The following STX3 variants were observed in gnomAD, a reference collection of about 807,000 sequenced individuals.
STX3 encodes syntaxin-3.
Under a neutral mutation model 40.2 loss-of-function variants are expected in STX3, and 19 were observed. The ratio of observed to expected loss-of-function variants is 0.47; its 90% CI spans 0.33 to 0.69. The LOEUF (loss-of-function observed/expected upper bound fraction) is 0.69, where lower values mean the gene tolerates loss of function less well. Ranked by LOEUF, STX3 falls within the 30% of genes least tolerant of loss-of-function variation. The pLI is 0.02. For synonymous variants in STX3, 122 were observed against 132.2 expected (o/e 0.92, Z 0.53); for missense variants, 364 against 366.7 (o/e 0.99, Z 0.06).
chr11:59,797,937 T>C (rs965639947), intron 10 of STX3, among the ~76,000 whole-genome samples: 4 of 152,234 alleles, frequency 2.6e-5, no homozygotes, highest in Admixed American at 6.5e-5. Context: ...AAACACCTTA[T>C]ACACATATCA....
chr11:59,780,050 T>C (rs1864258972), intron 2 of STX3, among the ~76,000 whole-genome samples: 1 of 152,220 alleles, frequency 6.6e-6, no homozygotes, highest in South Asian at 2.1e-4. Context: ...ATTTGCCTAT[T>C]TGCATTCAGG....
chr11:59,802,100 AT>A lies in STX3; in HGVS notation c.*1278del. On this transcript the variant is annotated 3_prime_UTR_variant, in exon 11 of 11. Transcript: ENST00000337979. Reference sequence around the variant, plus strand: ...TGAGAACATCCCTCAGTAACTTGATATTCACATGACCTACAGGATGTCCCAT... The same window carrying A: ...TGAGAACATCCCTCAGTAACTTGATATCACATGACCTACAGGATGTCCCAT... The A allele has an allele frequency of 1.0e-6, 1 of 985,412 alleles. No homozygotes were observed. The highest frequency in any genetic ancestry group is 4.7e-5 in the South Asian group (1 of 21,290). The allele number at this position is 985,412 out of a possible 1,614,324, so 61.0% of individuals were successfully genotyped here.
At chr11:59,756,004 C>G (rs1862696267) in intron 1 of STX3, among the ~76,000 whole-genome samples, 2 of 152,228 alleles carry the variant, frequency 1.3e-5, no homozygotes, top group African/African-American at 4.8e-5. Flanking sequence ...TCTCCCTTTC[C>G]TGTTTCTCTC....
At chr11:59,758,597 G>C (rs578021418) in intron 1 of STX3, among the ~76,000 whole-genome samples, 1 of 152,336 alleles carries the variant, frequency 6.6e-6, no homozygotes, top group South Asian at 2.1e-4. Context: ...CACAAGATCT[G>C]ACTCACCTGG....
intron 9 of STX3, among the ~76,000 whole-genome samples, chr11:59,796,574 G>A (rs558340184): frequency 1.1e-4 from 17 of 152,306 alleles, no homozygotes; most frequent in Middle Eastern, 3.4e-3. Flanking sequence ...GGTCTGACAG[G>A]TAGGAGTATG....
chr11:59,775,697 T>C (rs1476964241), intron 2 of STX3, among the ~76,000 whole-genome samples: 1 of 152,214 alleles, frequency 6.6e-6, no homozygotes, highest in East Asian at 1.9e-4. Context: ...GAGGATCATA[T>C]GAGATCACAC....
At position 59,800,991 on chromosome 11, in the gene STX3, A is replaced by G; in HGVS notation, c.*167A>G. 4.6e-6 allele frequency: 7 copies of G among 1,530,778 alleles called. No homozygotes were observed. Among genetic ancestry groups the G allele is most frequent in the South Asian group, 1.2e-5 (1 of 83,446 alleles). 94.8% of individuals were successfully genotyped at this position (1,530,778 alleles called of 1,614,324 possible). ...ACCCTTGGACCTGACTCAGCTAACA[A>G]TCTAGCCCTGGGGGAATGTGATCTA... On this transcript the variant is annotated 3_prime_UTR_variant, in exon 11 of 11. Transcript: ENST00000337979.
At chr11:59,755,667 G>A (rs748467324) in intron 1 of STX3, 32 bp downstream of exon 1, 65 of 1,589,300 alleles carry the variant, frequency 4.1e-5, no homozygotes, top group Non-Finnish European at 5.4e-5. Context: ...GTGCTGCCAG[G>A]AGGGGTGCTG....
intron 1 of STX3, among the ~76,000 whole-genome samples, chr11:59,759,384 AGAGC>A (rs1862912325): frequency 6.6e-6 from 1 of 152,246 alleles, no homozygotes; most frequent in Admixed American, 6.5e-5. Flanking sequence ...CACCATGATC[AGAGC>A]TTTGTGACCT....
At chr11:59,774,277 C>T (rs973497973) in intron 2 of STX3, among the ~76,000 whole-genome samples, 3 of 151,956 alleles carry the variant, frequency 2.0e-5, no homozygotes, top group Non-Finnish European at 2.9e-5. Flanking sequence ...ATTTCATGAA[C>T]GTTCCTTAAC....
At chr11:59,789,253 C>CTT (rs112275582) in intron 4 of STX3, 137 of 214,752 alleles carry the variant, frequency 6.4e-4, no homozygotes, top group South Asian at 1.5e-3. Context: ...ACTTGTCTCT[C>CTT]TTTTTTTTTT....
chr11:59,795,698 A>C (rs1324795731), intron 9 of STX3: 7 of 1,536,828 alleles, frequency 4.6e-6, no homozygotes, highest in Non-Finnish European at 5.2e-6. Context: ...CAAGTATCAG[A>C]GTGAAGCCCG....
chr11:59,772,055 G>A (rs1383571967), intron 1 of STX3, among the ~76,000 whole-genome samples: 1 of 152,216 alleles, frequency 6.6e-6, no homozygotes, highest in Non-Finnish European at 1.5e-5. Context: ...AACTTCTGCC[G>A]TGGATTCAGG....
chr11:59,781,433 C>T (rs1864376105), intron 2 of STX3: 6 of 1,610,556 alleles, frequency 3.7e-6, no homozygotes, highest in Admixed American at 1.7e-5. Context: ...ACTCCTGATG[C>T]TGAACCAATG....
rs1865995190 is a variant in STX3, at chr11:59,804,093, G to C, written c.*3269G>C. The C allele has an allele frequency of 6.6e-6, 1 of 152,214 alleles. No individual in the cohort carries two copies. The highest frequency in any genetic ancestry group is 1.5e-5 in the Non-Finnish European group (1 of 68,104). 9.4% of individuals were successfully genotyped at this position (152,214 alleles called of 1,614,324 possible). On this transcript the variant is annotated 3_prime_UTR_variant, in exon 11 of 11. Coordinates refer to ENST00000337979, the MANE Select transcript of STX3 (RefSeq NM_004177.5). ...GTTTAAAGGAGGACTGCAGGGTAGA[G>C]AAGCAAGCAGAGTGGGCGCCTCTTT... is the stretch of plus-strand genomic sequence containing the variant.
chr11:59,773,453 T>G (rs906152474), intron 2 of STX3, among the ~76,000 whole-genome samples, 159 bp downstream of exon 2: 1 of 152,186 alleles, frequency 6.6e-6, no homozygotes, highest in Non-Finnish European at 1.5e-5. Context: ...AACATTATTT[T>G]CAATATTTAC....
chr11:59,781,444 C>A, intron 2 of STX3: 2 of 1,611,988 alleles, frequency 1.2e-6, no homozygotes, highest in Non-Finnish European at 1.7e-6. Context: ...TGAACCAATG[C>A]ACCATCTGTA....
intron 1 of STX3, among the ~76,000 whole-genome samples, chr11:59,759,048 G>T (rs2134852965): frequency 6.6e-6 from 1 of 152,304 alleles, no homozygotes; most frequent in South Asian, 2.1e-4. Flanking sequence ...GCTTTGGGTG[G>T]GTTCCCAAGA....
rs752064472 is a variant in STX3, at chr11:59,793,152, C to T, written c.520C>T (p.Pro174Ser). ...ELEEMLESGN[P>S]AIFTSGIIDS... ...GGAGGAGATGTTGGAGAGTGGCAAC[C>T]CGGCCATCTTCACTTCTGGGGTGAG... The change falls in exon 7 of 11, where the codon CCG becomes TCG. Residue 174 changes from proline to serine, a missense_variant. Pro to Ser is a moderately conservative substitution (Grantham distance 74). Coordinates refer to ENST00000337979, the MANE Select transcript of STX3 (RefSeq NM_004177.5). 2 of 1,613,342 alleles carry T rather than the reference C, an allele frequency of 1.2e-6. No homozygotes were observed. The highest frequency in any genetic ancestry group is 3.3e-5 in the Admixed American group (2 of 59,986).
Sources: gnomAD v4.1 joint callset for allele counts (sites outside exome capture counted in the v4.1 genomes callset) on GRCh38, gnomAD v4.1.1 for gene constraint, MANE v1.5 for transcripts, NCBI Gene and HGNC (gene_info 2026-07-23, HGNC 2026-07-21) for gene names.